Variants in LRIG3 observed in about 807,000 individuals in gnomAD.
LRIG3 encodes leucine-rich repeats and immunoglobulin-like domains protein 3.
A neutral mutation model predicts 114.5 loss-of-function variants in LRIG3; 76 were observed. The observed-to-expected ratio is 0.66, with a 90% CI of 0.55 to 0.80. LRIG3 has a LOEUF of 0.80. LRIG3 is among the 30% of genes least tolerant of loss of function. The probability of loss-of-function intolerance (pLI) is 0.00; values close to 1 mark genes in which losing one functional copy is unlikely to be tolerated. For synonymous variants in LRIG3, 512 were observed against 519.8 expected (o/e 0.98, Z 0.20); for missense variants, 1,239 against 1,382.8 (o/e 0.90, Z 1.65).
chr12:58,901,222 C>T (rs866121612), intron 3 of LRIG3, among the ~76,000 whole-genome samples: 30 of 152,188 alleles, frequency 2.0e-4, no homozygotes, highest in African/African-American at 6.8e-4. Context: ...TAACAGCTGA[C>T]TACAAACTCA....
chr12:58,876,163 A>G lies in LRIG3; in HGVS notation c.2695+282T>C, dbSNP rs115790151. On this transcript the variant is annotated intron_variant, in intron 16 of 18. Coordinates refer to ENST00000320743, the MANE Select transcript of LRIG3 (RefSeq NM_153377.5). ...AGTTAATATCATTTAAGGGCCAAAGAACATTTATAATGTAAAGGATACACA... is the reference window on the plus strand; with the variant it reads ...AGTTAATATCATTTAAGGGCCAAAGGACATTTATAATGTAAAGGATACACA... 4.3e-3 allele frequency among the ~76,000 whole-genome samples: 654 copies of G among 152,366 alleles called. 1 individual carries two copies. The highest frequency in any genetic ancestry group is 0.015 in the African/African-American group (614 of 41,578).
chr12:58,872,517 A>G lies in LRIG3; in HGVS notation c.*55T>C, dbSNP rs534887098. On this transcript the variant is annotated 3_prime_UTR_variant, in exon 19 of 19. Coordinates refer to ENST00000320743, the MANE Select transcript of LRIG3 (RefSeq NM_153377.5). ...AAAAACATAAGATTCTCTCTCTTTT[A>G]AATAAAAGTTCACTTGAGGTAGTAT... The G allele has an allele frequency of 8.1e-6, 12 of 1,479,040 alleles. No homozygotes were observed. The South Asian group carries it at 1.3e-4, about 16-fold the overall frequency. The allele number at this position is 1,479,040 out of a possible 1,614,324, so 91.6% of individuals were successfully genotyped here.
chr12:58,890,523 C>T (rs920571506), intron 4 of LRIG3, 142 bp downstream of exon 4: 13 of 741,614 alleles, frequency 1.8e-5, no homozygotes, highest in South Asian at 2.9e-5. Flanking sequence ...TGTGGTCATT[C>T]GAGCTTACAG....
intron 1 of LRIG3, among the ~76,000 whole-genome samples, chr12:58,915,542 T>G (rs1314968239): frequency 6.6e-6 from 1 of 152,090 alleles, no homozygotes; most frequent in African/African-American, 2.4e-5. Context: ...CTGGATTCTC[T>G]TTTTCACCTA....
At chr12:58,893,236 T>G (rs186722324) in intron 3 of LRIG3, among the ~76,000 whole-genome samples, 271 of 152,332 alleles carry the variant, frequency 1.8e-3, no homozygotes, top group African/African-American at 6.3e-3. Flanking sequence ...TTAAGAAAGC[T>G]TCTCGAAATA....
chr12:58,887,744 G>A (rs764241239), intron 8 of LRIG3, 45 bp downstream of exon 8: 1 of 1,595,714 alleles, frequency 6.3e-7, no homozygotes, highest in African/African-American at 1.3e-5. Flanking sequence ...GGCATATTTA[G>A]GAACCAATTA....
chr12:58,885,942 G>A, intron 9 of LRIG3, 40 bp from the exon 10 acceptor site: 1 of 1,403,874 alleles, frequency 7.1e-7, no homozygotes, highest in Non-Finnish European at 9.8e-7. Flanking sequence ...AATTTAAAAA[G>A]CCATTTTGGG....
At chr12:58,895,394 A>G (rs76340718) in intron 3 of LRIG3, among the ~76,000 whole-genome samples, 1 of 152,316 alleles carries the variant, frequency 6.6e-6, no homozygotes, top group Non-Finnish European at 1.5e-5. Context: ...GATCTGTGGG[A>G]TGAGTTAGCT....
rs571383221 is a variant in LRIG3 at position 58,913,857 on chromosome 12, T to C, written c.383+125A>G. The stretch of plus-strand genomic sequence containing the variant: ...CAAGTTAACCAATTTAAAGCGCGTA[T>C]CTTTACTATGCCCTGAAAAAAATAT... On this transcript the variant is annotated intron_variant, in intron 3 of 18. Coordinates refer to ENST00000320743, the MANE Select transcript of LRIG3 (RefSeq NM_153377.5). The C allele has an allele frequency of 1.6e-4, 120 of 754,300 alleles. No individual in the cohort carries two copies. The East Asian group carries it at 3.0e-3, about 19-fold the overall frequency. 46.7% of individuals were successfully genotyped at this position (754,300 alleles called of 1,614,324 possible).
rs1870952847 is a variant in LRIG3 at position 58,877,252 on chromosome 12, T to C, written c.2536+148A>G. ...ATCAGCTTTATTTGGGGCTGGAGTTTTTTAGCGAATCATATTTCTGCAGCT... is the reference window on the plus strand; with the variant it reads ...ATCAGCTTTATTTGGGGCTGGAGTTCTTTAGCGAATCATATTTCTGCAGCT... On this transcript the variant is annotated intron_variant, in intron 15 of 18. Coordinates refer to ENST00000320743, the MANE Select transcript of LRIG3 (RefSeq NM_153377.5). 7.6e-6 allele frequency: 6 copies of C among 786,858 alleles called. No individual in the cohort carries two copies. In the South Asian group the frequency reaches 1.1e-4, roughly 15 times the overall value. The allele number at this position is 786,858 out of a possible 1,614,324, so 48.7% of individuals were successfully genotyped here.
chr12:58,903,523 C>G (rs1192321519), intron 3 of LRIG3, among the ~76,000 whole-genome samples: 3 of 152,062 alleles, frequency 2.0e-5, no homozygotes, highest in African/African-American at 7.2e-5. Context: ...GTTGCCTGTT[C>G]ACTCTGATGG....
At position 58,920,456 on chromosome 12, in the gene LRIG3, G is replaced by C. The variant is rs1872634847; in HGVS notation, c.-221C>G. 2 of 397,014 alleles carry C rather than the reference G, an allele frequency of 5.0e-6. No individual in the cohort carries two copies. The highest frequency in any genetic ancestry group is 4.2e-5 in the African/African-American group (2 of 48,054). 24.6% of individuals were successfully genotyped at this position (397,014 alleles called of 1,614,324 possible). A position where few individuals can be genotyped will look rare whatever the true frequency, so the allele number is the denominator to read the frequency against. ...CCGAAAAGAACTGCCAACTGCAACA[G>C]AGTTGCAGCTTGAGCAGCGTCGGCT... On this transcript the variant is annotated 5_prime_UTR_variant, in exon 1 of 19. Coordinates refer to ENST00000320743, the MANE Select transcript of LRIG3 (RefSeq NM_153377.5).
chr12:58,911,793 A>G (rs1419949510), intron 3 of LRIG3, among the ~76,000 whole-genome samples: 2 of 152,238 alleles, frequency 1.3e-5, no homozygotes, highest in East Asian at 1.9e-4. Context: ...CAATAATTGT[A>G]TATTACAATA....
At chr12:58,916,774 A>G (rs1326550461) in intron 1 of LRIG3, among the ~76,000 whole-genome samples, 1 of 152,060 alleles carries the variant, frequency 6.6e-6, no homozygotes, top group Non-Finnish European at 1.5e-5. Context: ...AACTCTTTCT[A>G]TATGGTTAGA....
chr12:58,886,447 A>T (rs1871278699), intron 9 of LRIG3, among the ~76,000 whole-genome samples: 1 of 151,972 alleles, frequency 6.6e-6, no homozygotes, highest in Non-Finnish European at 1.5e-5. Context: ...ACTTCATTAA[A>T]AAAATTCCTA....
chr12:58,880,972 A>C, intron 12 of LRIG3, 71 bp from the exon 13 acceptor site: 1 of 1,433,154 alleles, frequency 7.0e-7, no homozygotes. Flanking sequence ...TCAAATTTGA[A>C]CACCAAGAAA....
At chr12:58,889,919 C>T in intron 5 of LRIG3, 77 bp downstream of exon 5, 1 of 1,528,356 alleles carries the variant, frequency 6.5e-7, no homozygotes, top group South Asian at 1.3e-5. Flanking sequence ...CTTTTTGCCA[C>T]ATTGTAGATT....
chr12:58,887,724 G>A (rs1003133154), intron 8 of LRIG3, 65 bp downstream of exon 8: 4 of 1,548,556 alleles, frequency 2.6e-6, no homozygotes, highest in African/African-American at 2.7e-5. Context: ...AATCTGCTAG[G>A]AGAAAAGTGG....
At chr12:58,905,738 C>T (rs115351071) in intron 3 of LRIG3, among the ~76,000 whole-genome samples, 11 of 152,242 alleles carry the variant, frequency 7.2e-5, no homozygotes, top group Non-Finnish European at 1.3e-4. Flanking sequence ...GAAGAGACAC[C>T]TGAGCTATCG....
Sources: gnomAD v4.1 joint callset for allele counts (sites outside exome capture counted in the v4.1 genomes callset) on GRCh38, gnomAD v4.1.1 for gene constraint, MANE v1.5 for transcripts, NCBI Gene and HGNC (gene_info 2026-07-23, HGNC 2026-07-21) for gene names.